The following ABCA5 variants were observed in gnomAD, a reference collection of about 807,000 sequenced individuals.
The protein encoded by ABCA5 is ATP binding cassette subfamily A member 5, also known as cholesterol transporter ABCA5.
A neutral mutation model predicts 206.0 loss-of-function variants in ABCA5; 163 were observed. The observed-to-expected ratio is 0.79, with a 90% CI of 0.70 to 0.90. The LOEUF is 0.90. ABCA5 is among the 40% of genes least tolerant of loss of function. ABCA5 has a pLI of 0.00. For synonymous variants in ABCA5, 609 were observed against 613.8 expected, an observed-to-expected ratio of 0.99 and a Z score of 0.11; for missense variants, 1,859 against 1,912.9, an observed-to-expected ratio of 0.97 and a Z score of 0.53.
intron 6 of ABCA5, among the ~76,000 whole-genome samples, chr17:69,305,583 C>T (rs2075707372): frequency 6.6e-6 from 1 of 152,138 alleles, no homozygotes; most frequent in African/African-American, 2.4e-5. Flanking sequence ...AAAAACCAAT[C>T]CTTTGGCCAG....
intron 20 of ABCA5, among the ~76,000 whole-genome samples, chr17:69,273,581 G>A (rs2075297518): frequency 1.3e-5 from 2 of 151,150 alleles, no homozygotes; most frequent in African/African-American, 4.9e-5. Flanking sequence ...TCAGCCTCCC[G>A]AGTACCTGAG....
rs2075784918 is a variant in ABCA5, at chr17:69,313,068, A to T, written c.307+24T>A. ...TGAAAAGGCTTAATATTATAAACAG[A>T]ATATATATATAAGCTCACAATACCA... On this transcript the variant is annotated intron_variant, in intron 3 of 38. Coordinates refer to ENST00000392676, the MANE Select transcript of ABCA5 (RefSeq NM_172232.4). 3.3e-6 allele frequency: 5 copies of T among 1,521,574 alleles called. No individual in the cohort carries two copies. The East Asian group carries it at 1.1e-4, about 35-fold the overall frequency. 94.3% of individuals were successfully genotyped at this position (1,521,574 alleles called of 1,614,324 possible).
chr17:69,252,338 TC>T (rs1364831308), intron 34 of ABCA5, among the ~76,000 whole-genome samples: 1 of 152,138 alleles, frequency 6.6e-6, no homozygotes, highest in Non-Finnish European at 1.5e-5. Flanking sequence ...TAATTTATTT[TC>T]CCTTCATTTT....
At chr17:69,321,910 A>C (rs2075868175) in intron 1 of ABCA5, among the ~76,000 whole-genome samples, 1 of 152,198 alleles carries the variant, frequency 6.6e-6, no homozygotes, top group African/African-American at 2.4e-5. Context: ...TCCTAGATAA[A>C]TAATTTACTA....
chr17:69,274,839 C>CTTTTTTTTTTTTTTTTTTT (rs3052556), intron 19 of ABCA5, among the ~76,000 whole-genome samples: 7 of 85,752 alleles, frequency 8.2e-5, no homozygotes, highest in African/African-American at 1.3e-4. Context: ...TAACCATTTA[C>CTTTTTTTTTTTTTTTTTTT]TTTTTTTTTT....
chr17:69,292,718 G>T (rs924454372), intron 11 of ABCA5, among the ~76,000 whole-genome samples: 3 of 152,084 alleles, frequency 2.0e-5, no homozygotes, highest in African/African-American at 7.2e-5. Context: ...TGAATAAAAA[G>T]ACGTGAAAAG....
chr17:69,314,221 A>C, intron 2 of ABCA5, 93 bp downstream of exon 2: 2 of 571,672 alleles, frequency 3.5e-6, no homozygotes, highest in African/African-American at 2.0e-5. Context: ...TTATAATAAA[A>C]ATATATTTAG....
chr17:69,257,385 G>T (rs1032823394), intron 28 of ABCA5, among the ~76,000 whole-genome samples: 3 of 151,490 alleles, frequency 2.0e-5, no homozygotes, highest in Non-Finnish European at 4.4e-5. Context: ...AATGTGTAAG[G>T]AGAACAATGT....
chr17:69,256,252 G>A lies in ABCA5; in HGVS notation c.3763C>T (p.Leu1255Phe). 6.2e-7 allele frequency: 1 copy of A among 1,605,120 alleles called. No individual in the cohort carries two copies. The highest frequency in any genetic ancestry group is 2.2e-5 in the East Asian group (1 of 44,492). Residue 1255 changes from leucine (L) to phenylalanine (F), a missense_variant, in exon 29 of 39, where the codon CTT becomes TTT. Coordinates refer to ENST00000392676, the MANE Select transcript of ABCA5 (RefSeq NM_172232.4). ...TCCTCATTGTCTGGTGGTTCTGGAA[G>A]CTTCCTATTTTTAGACTTCGTTGAA... ...NLSTKSKNRKLPEPPDNEDED... is the reference protein window; with the variant it reads ...NLSTKSKNRKFPEPPDNEDED...
chr17:69,270,558 G>C, intron 22 of ABCA5, 55 bp downstream of exon 22: 2 of 1,448,794 alleles, frequency 1.4e-6, no homozygotes, highest in Non-Finnish European at 1.8e-6. Context: ...GTTTTTAATG[G>C]TTATTATATA....
At position 69,327,107 on chromosome 17, in the gene ABCA5, A is replaced by C. The variant is rs377508482; in HGVS notation, c.-71T>G. ...CTGGACGCGCTCAGTCTGTTGACTC[A>C]GTGCGGGTGACCCAGCTGGGATCTG... On this transcript the variant is annotated 5_prime_UTR_variant, in exon 1 of 39. Coordinates refer to ENST00000392676, the MANE Select transcript of ABCA5 (RefSeq NM_172232.4). The C allele has an allele frequency of 5.6e-4, 85 of 152,380 alleles. No homozygotes were observed. The highest frequency in any genetic ancestry group is 2.0e-3 in the African/African-American group (85 of 41,532). 9.4% of individuals were successfully genotyped at this position (152,380 alleles called of 1,614,324 possible).
intron 12 of ABCA5, 49 bp downstream of exon 12, chr17:69,291,167 A>C (rs2075522104): frequency 1.6e-6 from 2 of 1,256,716 alleles, no homozygotes. Context: ...ATACACATTT[A>C]AAGAATATAT....
At chr17:69,293,164 T>TACACAC (rs141471808) in intron 11 of ABCA5, among the ~76,000 whole-genome samples, 56,777 of 149,820 alleles carry the variant, frequency 0.38, 11,529 homozygotes, top group South Asian at 0.48. Context: ...ACCAACAGAA[T>TACACAC]ACACACACAC....
rs2075897032 is a variant in ABCA5, at chr17:69,326,395, G to A, written c.-16+657C>T. Among the ~76,000 whole-genome samples, 1 of 152,174 alleles carries A rather than the reference G, an allele frequency of 6.6e-6. No homozygotes were observed. Among genetic ancestry groups the A allele is most frequent in the Non-Finnish European group, 1.5e-5 (1 of 68,042 alleles). ...TTTAAAACGTAAATCGAAGCCTGAG[G>A]AGCCCAGGGGAAAACCTCCTTCAGC... On this transcript the variant is annotated intron_variant, in intron 1 of 38. Transcript: ENST00000392676. This position sits in a 1 kb window ranked among gnomAD's most constrained non-coding sequence, Gnocchi z 4.8.
At chr17:69,251,686 T>TG in intron 35 of ABCA5, 61 bp downstream of exon 35, 8 of 1,548,836 alleles carry the variant, frequency 5.2e-6, no homozygotes. Context: ...TTTGAAATGA[T>TG]GACTTTCAAA....
intron 38 of ABCA5, among the ~76,000 whole-genome samples, chr17:69,247,912 CCAT>C (rs773390140): frequency 8.8e-4 from 134 of 152,066 alleles, no homozygotes; most frequent in Non-Finnish European, 1.5e-3. Context: ...TGAAACACCA[CCAT>C]CATGACTCAC....
At chr17:69,325,589 T>C (rs1416984532) in intron 1 of ABCA5, 3 of 152,244 alleles carry the variant, frequency 2.0e-5, no homozygotes, top group Non-Finnish European at 4.4e-5. Flanking sequence ...ATTGTATTCA[T>C]ATCGGTACTC....
chr17:69,294,615 C>G, intron 11 of ABCA5, 40 bp downstream of exon 11: 1 of 1,505,380 alleles, frequency 6.6e-7, no homozygotes, highest in Non-Finnish European at 9.1e-7. Flanking sequence ...TCTAGTTGTA[C>G]TTTAAATACT....
At chr17:69,284,198 A>G (rs1245197172) in intron 17 of ABCA5, 126 bp from the exon 18 acceptor site, 5 of 738,120 alleles carry the variant, frequency 6.8e-6, no homozygotes, top group Non-Finnish European at 9.6e-6. Flanking sequence ...TCTACAAAAA[A>G]TAAAAATAAA....
Sources: gnomAD v4.1 joint callset for allele counts (sites outside exome capture counted in the v4.1 genomes callset) on GRCh38, gnomAD v4.1.1 for gene constraint, Gnocchi (gnomAD v3.1) non-coding constraint, MANE v1.5 for transcripts, NCBI Gene and HGNC (gene_info 2026-07-23, HGNC 2026-07-21) for gene names.